SERGEF: variants seen among roughly 807,000 people sequenced by gnomAD.
SERGEF encodes the protein secretion-regulating guanine nucleotide exchange factor.
Under a neutral mutation model 50.0 loss-of-function variants are expected in SERGEF, and 51 were observed. The ratio of observed to expected loss-of-function variants is 1.02; its 90% confidence interval spans 0.81 to 1.29. SERGEF has a LOEUF of 1.29. Among genes scored for constraint, SERGEF ranks in the 50% most tolerant of loss-of-function variants. SERGEF has a pLI of 0.00. For synonymous variants in SERGEF, 205 were observed against 212.4 expected (o/e 0.97, Z 0.30); for missense variants, 521 against 557.0 (o/e 0.94, Z 0.65).
intron 10 of SERGEF, among the ~76,000 whole-genome samples, chr11:17,819,238 T>C (rs1850031909): frequency 6.6e-6 from 1 of 152,226 alleles, no homozygotes; most frequent in South Asian, 2.1e-4. Context: ...AATGCAACTG[T>C]ATTTTAGTCA....
At chr11:17,996,472 G>A (rs1265924671) in intron 5 of SERGEF, among the ~76,000 whole-genome samples, 1 of 152,164 alleles carries the variant, frequency 6.6e-6, no homozygotes, top group Admixed American at 6.5e-5. Flanking sequence ...ATTTATGACT[G>A]CAAGATAGCT....
chr11:17,873,046 A>G (rs1851173825), intron 10 of SERGEF, among the ~76,000 whole-genome samples: 1 of 152,176 alleles, frequency 6.6e-6, no homozygotes, highest in African/African-American at 2.4e-5. Flanking sequence ...AGAGAGGGGG[A>G]TAGCATGGAA....
intron 9 of SERGEF, among the ~76,000 whole-genome samples, chr11:17,896,306 T>C (rs763708033): frequency 3.2e-4 from 49 of 152,126 alleles, no homozygotes; most frequent in Non-Finnish European, 6.0e-4. Flanking sequence ...TTTGTTTGCA[T>C]GCATTAGCTC....
At chr11:17,965,790 A>C (rs931965864) in intron 8 of SERGEF, among the ~76,000 whole-genome samples, 2 of 152,106 alleles carry the variant, frequency 1.3e-5, no homozygotes, top group Non-Finnish European at 2.9e-5. Flanking sequence ...CTATCAACCT[A>C]CCTACCTCTC....
At chr11:17,931,006 T>C (rs914283080) in intron 9 of SERGEF, among the ~76,000 whole-genome samples, 2 of 152,218 alleles carry the variant, frequency 1.3e-5, no homozygotes, top group Non-Finnish European at 2.9e-5. Flanking sequence ...TGGTATTTCC[T>C]GAGCCTATTT....
chr11:17,948,816 AT>A (rs1446914055), intron 9 of SERGEF, among the ~76,000 whole-genome samples: 1 of 152,168 alleles, frequency 6.6e-6, no homozygotes. Flanking sequence ...ACAATTAATT[AT>A]TGTAGCAGTT....
intron 9 of SERGEF, among the ~76,000 whole-genome samples, chr11:17,915,745 T>C (rs1288331906): frequency 6.6e-6 from 1 of 152,152 alleles, no homozygotes; most frequent in Admixed American, 6.5e-5. Flanking sequence ...GCAGACAGGA[T>C]CTCCTAGAGC....
intron 9 of SERGEF, among the ~76,000 whole-genome samples, chr11:17,890,609 T>TG (rs1035238070): frequency 2.0e-5 from 3 of 151,856 alleles, no homozygotes; most frequent in African/African-American, 7.3e-5. Context: ...TTTGTAGAGA[T>TG]GGGGTCTTAT....
intron 8 of SERGEF, among the ~76,000 whole-genome samples, chr11:17,962,626 T>C (rs1361298769): frequency 6.6e-6 from 1 of 152,132 alleles, no homozygotes; most frequent in African/African-American, 2.4e-5. Flanking sequence ...TTATAAGGCA[T>C]GTCCATGTAA....
chr11:17,939,147 A>C (rs1484652921), intron 9 of SERGEF, among the ~76,000 whole-genome samples: 1 of 152,174 alleles, frequency 6.6e-6, no homozygotes, highest in African/African-American at 2.4e-5. Context: ...TCAGAAAAGA[A>C]ATGTTAAAAG....
At position 17,812,143 on chromosome 11, in the gene SERGEF, C is replaced by G. The variant is rs1037037530; in HGVS notation, c.1049-23730G>C. On this transcript the variant is annotated intron_variant, in intron 10 of 10. Coordinates refer to ENST00000265965, the MANE Select transcript of SERGEF (RefSeq NM_012139.4). ...GGACAGAGCTTCCAGCCCCAACCCA[C>G]TTCTCCATGGCAACGAGCTGACAGA... Among the ~76,000 whole-genome samples, 6 of 152,194 alleles carry G rather than the reference C, an allele frequency of 3.9e-5. No individual in the cohort carries two copies. In the South Asian group the frequency reaches 1.2e-3, roughly 31 times the overall value.
intron 9 of SERGEF, among the ~76,000 whole-genome samples, chr11:17,906,197 G>T (rs2133924878): frequency 6.6e-6 from 1 of 152,266 alleles, no homozygotes; most frequent in Middle Eastern, 3.4e-3. Flanking sequence ...GGGCTGATAA[G>T]GAAGGGAATA....
At chr11:17,838,678 GATA>G (rs1161594674) in intron 10 of SERGEF, among the ~76,000 whole-genome samples, 2 of 152,130 alleles carry the variant, frequency 1.3e-5, no homozygotes, top group African/African-American at 2.4e-5. Flanking sequence ...CTGTAAAACC[GATA>G]ATAATAAAAC....
intron 9 of SERGEF, among the ~76,000 whole-genome samples, chr11:17,932,188 A>C (rs1485898192): frequency 6.6e-6 from 1 of 152,186 alleles, no homozygotes; most frequent in African/African-American, 2.4e-5. Context: ...AGAAAGAAAG[A>C]AATGCTCTGC....
At chr11:17,899,952 CA>C (rs113362559) in intron 9 of SERGEF, among the ~76,000 whole-genome samples, 1,480 of 89,700 alleles carry the variant, frequency 0.016, 11 homozygotes, top group Middle Eastern at 0.05. Flanking sequence ...CTCTTGCCTC[CA>C]AAAAAAAAAA....
At chr11:17,946,026 G>A (rs1425355995) in intron 9 of SERGEF, among the ~76,000 whole-genome samples, 7 of 151,934 alleles carry the variant, frequency 4.6e-5, no homozygotes, top group African/African-American at 1.7e-4. Flanking sequence ...AAAAGAAATT[G>A]GTCTCCAGGT....
At chr11:17,788,838 T>C (rs1849432237) in intron 10 of SERGEF, among the ~76,000 whole-genome samples, 1 of 152,198 alleles carries the variant, frequency 6.6e-6, no homozygotes, top group Non-Finnish European at 1.5e-5. Context: ...GCCAACTAAC[T>C]AACCCAGCTG....
At chr11:17,834,497 AAAACTTATT>A (rs1214814076) in intron 10 of SERGEF, among the ~76,000 whole-genome samples, 3 of 152,224 alleles carry the variant, frequency 2.0e-5, no homozygotes, top group Admixed American at 1.3e-4. Flanking sequence ...CACCTGCTTA[AAAACTTATT>A]AAACTTATTA....
chr11:17,911,274 G>C (rs1851946292), intron 9 of SERGEF, among the ~76,000 whole-genome samples: 1 of 148,372 alleles, frequency 6.7e-6, no homozygotes, highest in Admixed American at 6.7e-5. Flanking sequence ...CAGGATTCAT[G>C]TCTGGCTCTG....
Sources: allele counts gnomAD v4.1 joint callset (sites outside exome capture counted in the v4.1 genomes callset), GRCh38; gene constraint gnomAD v4.1.1; transcripts MANE v1.5; gene names NCBI Gene and HGNC (gene_info 2026-07-23, HGNC 2026-07-21).